Variants in SEPTIN14 observed in about 807,000 individuals in gnomAD.
The protein encoded by SEPTIN14 is septin 14, also known as septin-14.
In SEPTIN14, 40 loss-of-function variants were observed where a neutral mutation model predicts 53.6. That is an observed-to-expected ratio of 0.75 (90% CI 0.58 to 0.97). SEPTIN14 has a LOEUF of 0.97. Among genes scored for constraint, SEPTIN14 ranks in the 50% least tolerant of loss-of-function variants. The pLI is 0.00. For synonymous variants in SEPTIN14, 138 were observed against 166.8 expected, an observed-to-expected ratio of 0.83 and a Z score of 1.33; for missense variants, 471 against 508.2, an observed-to-expected ratio of 0.93 and a Z score of 0.70.
At chr7:55,862,427 G>A (rs903758770) in intron 1 of SEPTIN14, among the ~76,000 whole-genome samples, 12 of 151,840 alleles carry the variant, frequency 7.9e-5, no homozygotes, top group African/African-American at 2.9e-4. Flanking sequence ...CATACCAGAG[G>A]AGGCTTAGGC....
chr7:55,825,686 G>A (rs1037471506), intron 6 of SEPTIN14, among the ~76,000 whole-genome samples: 7 of 152,154 alleles, frequency 4.6e-5, no homozygotes, highest in African/African-American at 7.2e-5. Context: ...GAAGGATGGG[G>A]CCGGGCGTGG....
chr7:55,830,003 C>A (rs1233856505), intron 6 of SEPTIN14, among the ~76,000 whole-genome samples: 2 of 151,186 alleles, frequency 1.3e-5, no homozygotes, highest in South Asian at 4.2e-4. Context: ...ACGGTGAAAC[C>A]CCGTCTCTAC....
chr7:55,809,295 A>AGCTACT (rs1227160793), intron 7 of SEPTIN14, among the ~76,000 whole-genome samples: 1 of 149,410 alleles, frequency 6.7e-6, no homozygotes, highest in Non-Finnish European at 1.5e-5. Flanking sequence ...AGGACAGAAA[A>AGCTACT]GCTACTATGC....
chr7:55,813,160 G>C lies in SEPTIN14; in HGVS notation c.818-5902C>G, dbSNP rs1426481978. Among the ~76,000 whole-genome samples, 3 of 152,098 alleles carry C rather than the reference G, an allele frequency of 2.0e-5. No individual in the cohort carries two copies. The East Asian group carries it at 5.8e-4, about 29-fold the overall frequency. ...AGACAGGGTTTCACCATATTGGTCA[G>C]GCTGGTCTTGAACTCCTGACCTCAG... is the stretch of plus-strand genomic sequence containing the variant. On this transcript the variant is annotated intron_variant, in intron 7 of 9. Transcript: ENST00000388975.
At chr7:55,818,888 C>T (rs1315468508) in intron 7 of SEPTIN14, among the ~76,000 whole-genome samples, 1 of 152,170 alleles carries the variant, frequency 6.6e-6, no homozygotes, top group Non-Finnish European at 1.5e-5. Context: ...AGGTTCTTCC[C>T]AGCCTCTGTA....
chr7:55,829,538 C>T (rs868364176), intron 6 of SEPTIN14, among the ~76,000 whole-genome samples: 1 of 151,990 alleles, frequency 6.6e-6, no homozygotes, highest in Non-Finnish European at 1.5e-5. Flanking sequence ...TCATCAGAGA[C>T]TAATATGAAT....
chr7:55,816,436 C>T (rs1788792013), intron 7 of SEPTIN14, among the ~76,000 whole-genome samples: 1 of 151,826 alleles, frequency 6.6e-6, no homozygotes, highest in Admixed American at 6.6e-5. Flanking sequence ...ACACTGAATG[C>T]CAGTATCAAA....
chr7:55,842,170 G>A lies in SEPTIN14; in HGVS notation c.558+772C>T, dbSNP rs117724252. Among the ~76,000 whole-genome samples the A allele has an allele frequency of 9.3e-3, 1,413 of 152,282 alleles. 12 individuals are homozygous for A. Among genetic ancestry groups the A allele is most frequent in the South Asian group, 0.014 (66 of 4,828 alleles). On this transcript the variant is annotated intron_variant, in intron 5 of 9. Transcript: ENST00000388975. Reference sequence around the variant, plus strand: ...TACCATAAAAGGCTATAGCCTAGATGTGTAGTAGGCTATATCATGTAGGTA... The same window carrying A: ...TACCATAAAAGGCTATAGCCTAGATATGTAGTAGGCTATATCATGTAGGTA...
intron 5 of SEPTIN14, among the ~76,000 whole-genome samples, chr7:55,840,080 G>C (rs1789282128): frequency 6.6e-6 from 1 of 150,758 alleles, no homozygotes; most frequent in Non-Finnish European, 1.5e-5. Context: ...GGGAGACGGA[G>C]GTTGCAGTGA....
At chr7:55,826,733 G>C (rs1788994182) in intron 6 of SEPTIN14, among the ~76,000 whole-genome samples, 1 of 151,386 alleles carries the variant, frequency 6.6e-6, no homozygotes, top group African/African-American at 2.4e-5. Flanking sequence ...GGAGGTAGAG[G>C]TTGCAGTGAG....
intron 2 of SEPTIN14, among the ~76,000 whole-genome samples, chr7:55,847,789 TCTA>T (rs1789438850): frequency 6.6e-6 from 1 of 152,096 alleles, no homozygotes; most frequent in African/African-American, 2.4e-5. Context: ...ATCGAAGAAA[TCTA>T]CTACTAATAA....
intron 2 of SEPTIN14, 147 bp from the exon 3 acceptor site, chr7:55,846,784 AT>A: frequency 5.4e-6 from 3 of 550,470 alleles, no homozygotes; most frequent in Non-Finnish European, 3.2e-6. Flanking sequence ...TATTAAGTAA[AT>A]TTGTGAAAAT....
Position 55,811,714 on chromosome 7 carries a change from G to A in SEPTIN14, c.818-4456C>T, listed in dbSNP as rs545177428. Among the ~76,000 whole-genome samples, 10 of 151,594 alleles carry A rather than the reference G, an allele frequency of 6.6e-5. No homozygotes were observed. The South Asian group carries it at 2.1e-3, about 32-fold the overall frequency. On this transcript the variant is annotated intron_variant, in intron 7 of 9. Transcript: ENST00000388975. ...GGGTTTCACCATGTTGGCCAGGCTG[G>A]TCTTGAACTCCTGACTTCAGGTGAT...
At chr7:55,800,334 T>C (rs1332386337) in intron 9 of SEPTIN14, among the ~76,000 whole-genome samples, 2 of 152,118 alleles carry the variant, frequency 1.3e-5, no homozygotes, top group East Asian at 3.8e-4. Context: ...ATTAAAATAA[T>C]TGAACTCAGT....
At chr7:55,800,623 CAA>C (rs57111413) in intron 9 of SEPTIN14, among the ~76,000 whole-genome samples, 2 of 111,440 alleles carry the variant, frequency 1.8e-5, no homozygotes. Flanking sequence ...GACTTTGTCT[CAA>C]AAAAAAAAAA....
At chr7:55,820,523 G>C (rs1788873717) in intron 6 of SEPTIN14, among the ~76,000 whole-genome samples, 1 of 152,182 alleles carries the variant, frequency 6.6e-6, no homozygotes, top group Non-Finnish European at 1.5e-5. Flanking sequence ...AGCCTTAATA[G>C]AAGTGTCATT....
chr7:55,806,047 A>C (rs1788604593), intron 8 of SEPTIN14, among the ~76,000 whole-genome samples: 1 of 151,986 alleles, frequency 6.6e-6, no homozygotes, highest in Non-Finnish European at 1.5e-5. Context: ...CCCAGACTGG[A>C]GTGCAGTGGC....
At chr7:55,810,895 A>G (rs1293025156) in intron 7 of SEPTIN14, 2 of 349,264 alleles carry the variant, frequency 5.7e-6, no homozygotes, top group African/African-American at 2.1e-5. Context: ...GACACATCCA[A>G]TAAGCCCAAA....
rs931817077 is a variant in SEPTIN14 at position 55,834,509 on chromosome 7, CAT to C, written c.634_635del (p.Met212GlufsTer2). On this transcript the variant is annotated frameshift_variant, in exon 6 of 10. Transcript: ENST00000388975. LOFTEE classifies it high-confidence loss of function. ...NDLQTFKNKI[M>X]SELISNGIQI... ...GGATGCCATTGCTAATCAATTCACT[CAT>C]TATCTTATTCTTAAACGTCTGTAAA... is the stretch of plus-strand genomic sequence containing the variant. The C allele has an allele frequency of 6.2e-7, 1 of 1,612,174 alleles. No individual in the cohort carries two copies. Among genetic ancestry groups the C allele is most frequent in the East Asian group, 2.2e-5 (1 of 44,852 alleles).
Sources: gnomAD v4.1 joint callset for allele counts (sites outside exome capture counted in the v4.1 genomes callset) on GRCh38, gnomAD v4.1.1 for gene constraint, MANE v1.5 for transcripts, NCBI Gene and HGNC (gene_info 2026-07-23, HGNC 2026-07-21) for gene names.